Variants in TRIM16 observed in about 807,000 individuals in gnomAD.
TRIM16 encodes tripartite motif-containing protein 16.
Under a neutral mutation model 50.4 loss-of-function variants are expected in TRIM16, and 33 were observed. That is an observed-to-expected ratio of 0.65 (90% CI 0.50 to 0.88). The LOEUF is 0.88. Ranked by LOEUF, TRIM16 falls within the 40% of genes least tolerant of loss-of-function variation. TRIM16 has a pLI of 0.00. For synonymous variants in TRIM16, 229 were observed against 270.7 expected, an observed-to-expected ratio of 0.85 and a Z score of 1.51; for missense variants, 581 against 686.8, an observed-to-expected ratio of 0.85 and a Z score of 1.72.
chr17:15,665,822 G>A (rs1022280629), intron 6 of TRIM16, among the ~76,000 whole-genome samples: 1 of 151,970 alleles, frequency 6.6e-6, no homozygotes, highest in Non-Finnish European at 1.5e-5. Flanking sequence ...TTTCAGACCT[G>A]TATATCCAAC....
At chr17:15,683,780 A>G (rs1989272000) in intron 1 of TRIM16, 1 of 152,458 alleles carries the variant, frequency 6.6e-6, no homozygotes, top group Non-Finnish European at 1.5e-5. Flanking sequence ...AAATGTGGAT[A>G]AACAGATCTC....
In TRIM16 at chr17:15,628,543, G is replaced by A. The variant is rs1986218305; in HGVS notation, c.*72C>T. 6.8e-7 allele frequency: 1 copy of A among 1,470,048 alleles called. No homozygotes were observed. Among genetic ancestry groups the A allele is most frequent in the African/African-American group, 1.4e-5 (1 of 70,894 alleles). The allele number at this position is 1,470,048 out of a possible 1,614,324, so 91.1% of individuals were successfully genotyped here. On this transcript the variant is annotated 3_prime_UTR_variant, in exon 12 of 12. Transcript: ENST00000649191. ...CCAGCTACCATCAGCAGTTATTTCT[G>A]CCCCCAAATCACCCTAAAATGCAAA... is the stretch of plus-strand genomic sequence containing the variant.
chr17:15,653,460 C>T (rs1246371847), intron 6 of TRIM16, among the ~76,000 whole-genome samples: 1 of 152,178 alleles, frequency 6.6e-6, no homozygotes, highest in Non-Finnish European at 1.5e-5. Context: ...ACAACAGAAA[C>T]TCATTTCCTC....
rs376571595 is a variant in TRIM16 at position 15,651,116 on chromosome 17, A to T, written c.494T>A (p.Leu165Gln). Reference protein sequence around the residue: ...QEHSGHTIVSLDAARRDKEAE... With the variant: ...QEHSGHTIVSQDAARRDKEAE... Reference sequence around the variant, plus strand: ...CTCCTTGTCCCTGCGGGCTGCATCCAGGGAGACTATGGTGTGGCCACTGTG... The same window carrying T: ...CTCCTTGTCCCTGCGGGCTGCATCCTGGGAGACTATGGTGTGGCCACTGTG... Residue 165 changes from leucine (L) to glutamine (Q), a missense_variant, in exon 7 of 12, where the codon CTG (leucine) becomes CAG (glutamine). This residue lies in a region of TRIM16 where 450 missense variants were observed against 544.3 expected (regional missense o/e 0.83). Transcript: ENST00000649191. The T allele has an allele frequency of 4.3e-6, 7 of 1,612,820 alleles. No individual in the cohort carries two copies. Among genetic ancestry groups the T allele is most frequent in the Admixed American group, 1.7e-5 (1 of 59,972 alleles).
intron 8 of TRIM16, among the ~76,000 whole-genome samples, chr17:15,636,894 G>A (rs886917): frequency 6.7e-6 from 1 of 149,098 alleles, no homozygotes; most frequent in Admixed American, 6.6e-5. Flanking sequence ...AACATTAAGG[G>A]TTTGAATGAT....
intron 6 of TRIM16, among the ~76,000 whole-genome samples, chr17:15,665,902 A>G (rs537438847): frequency 2.6e-5 from 4 of 152,164 alleles, no homozygotes; most frequent in Non-Finnish European, 4.4e-5. Flanking sequence ...AATTAAATGT[A>G]AGGCCTCCCT....
At chr17:15,677,754 G>A in intron 4 of TRIM16, 33 bp from the exon 5 acceptor site, 1 of 986,436 alleles carries the variant, frequency 1.0e-6, no homozygotes, top group African/African-American at 1.7e-5. Flanking sequence ...CATACTTAGG[G>A]GAGACTGATG....
intron 6 of TRIM16, among the ~76,000 whole-genome samples, chr17:15,664,334 G>C (rs1567685346): frequency 6.6e-6 from 1 of 152,164 alleles, no homozygotes; most frequent in Non-Finnish European, 1.5e-5. Flanking sequence ...CACCAGGTTT[G>C]GCCACAACTG....
rs1221713575 is a variant in TRIM16 at position 15,631,665 on chromosome 17, A to G, written c.1065T>C (p.Tyr355=). The G allele has an allele frequency of 1.1e-5, 18 of 1,613,800 alleles. No homozygotes were observed. Among genetic ancestry groups the G allele is most frequent in the Admixed American group, 8.3e-5 (5 of 59,982 alleles). The change falls in exon 11 of 12, where the codon TAT becomes TAC. Residue 355 remains tyrosine, a synonymous_variant. Transcript: ENST00000649191. ...TGCTGGGCTCAGGTTTGGAAGTCCA[A>G]TATTTGCGCTGAACAACGGCAGACA... ...TQVSAVVQRK[Y]WTSKPEPSTR...
intron 11 of TRIM16, among the ~76,000 whole-genome samples, chr17:15,629,596 A>AT (rs1298345418): frequency 6.6e-6 from 1 of 152,286 alleles, no homozygotes; most frequent in African/African-American, 2.4e-5. Flanking sequence ...CCATTCATTC[A>AT]TTTTTTAAAA....
Position 15,644,063 on chromosome 17 carries a change from G to A in TRIM16, c.520-1247C>T, listed in dbSNP as rs61358991. ...CTACTTGGAGATGGAAGAGATGCAC[G>A]GGGCAAGGGATGTGGGAGGGAAGTG... On this transcript the variant is annotated intron_variant, in intron 7 of 11. Transcript: ENST00000649191. Among the ~76,000 whole-genome samples the A allele has an allele frequency of 2.1e-3, 325 of 152,280 alleles. 1 individual carries two copies. The highest frequency in any genetic ancestry group is 7.4e-3 in the African/African-American group (308 of 41,576).
chr17:15,631,063 A>G (rs1449434025), intron 11 of TRIM16, among the ~76,000 whole-genome samples: 2 of 152,014 alleles, frequency 1.3e-5, no homozygotes, highest in Admixed American at 1.3e-4. Context: ...ACACTTAATG[A>G]TAGGTCAATG....
chr17:15,672,603 G>A (rs987548119), intron 6 of TRIM16, among the ~76,000 whole-genome samples: 20 of 152,274 alleles, frequency 1.3e-4, no homozygotes, highest in African/African-American at 4.8e-4. Context: ...GTGTGGTGAC[G>A]CTTGCCTGTG....
chr17:15,680,786 A>G (rs1001173072), intron 4 of TRIM16, 79 bp downstream of exon 4: 60 of 1,455,244 alleles, frequency 4.1e-5, no homozygotes, highest in Non-Finnish European at 1.0e-5. Flanking sequence ...GAATTAAAAT[A>G]AGATTTCTGA....
At chr17:15,681,035 A>G (rs1989162868) in intron 3 of TRIM16, 82 bp from the exon 4 acceptor site, 1 of 1,251,926 alleles carries the variant, frequency 8.0e-7, no homozygotes. Context: ...CACTTATGAG[A>G]AAATGTGCCT....
chr17:15,635,890 A>C (rs911682125), intron 9 of TRIM16, 146 bp downstream of exon 9: 14 of 736,180 alleles, frequency 1.9e-5, no homozygotes, highest in Non-Finnish European at 3.0e-5. Context: ...TGCTGAATGA[A>C]GAATCTGCTT....
chr17:15,683,209 T>A, intron 1 of TRIM16, 52 bp from the exon 2 acceptor site: 1 of 1,356,132 alleles, frequency 7.4e-7, no homozygotes, highest in Non-Finnish European at 1.0e-6. Flanking sequence ...TTGTATTTCT[T>A]TTTTCATTCT....
chr17:15,629,332 G>A (rs1986284219), intron 11 of TRIM16, 134 bp from the exon 12 acceptor site: 1 of 609,030 alleles, frequency 1.6e-6, no homozygotes, highest in South Asian at 2.2e-5. Flanking sequence ...TACCCAGGCT[G>A]CTGTTTCCCT....
At chr17:15,656,547 G>A (rs553130718) in intron 6 of TRIM16, among the ~76,000 whole-genome samples, 1 of 150,916 alleles carries the variant, frequency 6.6e-6, no homozygotes, top group East Asian at 2.0e-4. Flanking sequence ...CCCCTCCCCA[G>A]CCCCTTTGCA....
Sources: allele counts gnomAD v4.1 joint callset (sites outside exome capture counted in the v4.1 genomes callset), GRCh38; gene constraint gnomAD v4.1.1; regional missense constraint gnomAD v4.1.1; transcripts MANE v1.5; gene names NCBI Gene and HGNC (gene_info 2026-07-23, HGNC 2026-07-21).